Variants in RAB21 observed in about 807,000 individuals in gnomAD.
The protein encoded by RAB21 is RAB21, member RAS oncogene family.
In RAB21, 13 loss-of-function variants were observed where a neutral mutation model predicts 33.1. The observed-to-expected ratio is 0.39, with a 90% CI of 0.26 to 0.62. The LOEUF is 0.62. RAB21 is among the 20% of genes least tolerant of loss of function. The pLI is 0.48. For missense variants in RAB21, 234 were observed against 279.1 expected, an observed-to-expected ratio of 0.84 and a Z score of 1.15; for synonymous variants, 91 against 103.7, an observed-to-expected ratio of 0.88 and a Z score of 0.74.
intron 1 of RAB21, among the ~76,000 whole-genome samples, chr12:71,764,748 G>A (rs900344002): frequency 6.6e-6 from 1 of 152,018 alleles, no homozygotes; most frequent in Admixed American, 6.6e-5. Context: ...TAGAATAATG[G>A]CCTCCAGCTC....
chr12:71,783,848 ACCTCCCTC>A (rs948068635), intron 6 of RAB21, among the ~76,000 whole-genome samples: 2 of 151,100 alleles, frequency 1.3e-5, no homozygotes, highest in African/African-American at 2.4e-5. Context: ...CTCCTTCCTT[ACCTCCCTC>A]CCTCCCTCCC....
intron 4 of RAB21, among the ~76,000 whole-genome samples, chr12:71,779,154 AT>A (rs1432276116): frequency 6.6e-6 from 1 of 152,166 alleles, no homozygotes; most frequent in African/African-American, 2.4e-5. Context: ...AGGTTAACTA[AT>A]TTGTCCAAAA....
chr12:71,761,669 C>T (rs188406351), intron 1 of RAB21, among the ~76,000 whole-genome samples: 12 of 152,174 alleles, frequency 7.9e-5, no homozygotes, highest in African/African-American at 2.4e-4. Context: ...CAGAGCAAGA[C>T]TCCATCTCAA....
At chr12:71,777,703 A>G (rs1883141833) in intron 4 of RAB21, among the ~76,000 whole-genome samples, 2 of 152,160 alleles carry the variant, frequency 1.3e-5, no homozygotes, top group African/African-American at 4.8e-5. Flanking sequence ...TTAAGTCTTA[A>G]ATTCTCTAGA....
At chr12:71,785,456 T>C (rs1565895897) in intron 6 of RAB21, 75 bp from the exon 7 acceptor site, 16 of 1,514,374 alleles carry the variant, frequency 1.1e-5, no homozygotes, top group East Asian at 2.4e-5. Flanking sequence ...GCTATCATAG[T>C]GTTATACTGA....
intron 4 of RAB21, among the ~76,000 whole-genome samples, chr12:71,776,485 T>C (rs1048167796): frequency 6.6e-6 from 1 of 152,172 alleles, no homozygotes; most frequent in Non-Finnish European, 1.5e-5. Context: ...GTTCATATTA[T>C]AAGACGTTTT....
intron 2 of RAB21, among the ~76,000 whole-genome samples, chr12:71,770,118 T>A (rs1883020154): frequency 1.3e-5 from 2 of 152,192 alleles, no homozygotes; most frequent in Non-Finnish European, 2.9e-5. Flanking sequence ...TGGCCTTTTT[T>A]TCCCCACCCT....
chr12:71,774,133 T>G (rs919723877), intron 4 of RAB21, 111 bp downstream of exon 4: 1 of 631,580 alleles, frequency 1.6e-6, no homozygotes, highest in Non-Finnish European at 2.5e-6. Context: ...AATGGCATAT[T>G]AATATAAATA....
At chr12:71,769,106 A>G (rs1165772431) in intron 1 of RAB21, among the ~76,000 whole-genome samples, 2 of 152,174 alleles carry the variant, frequency 1.3e-5, no homozygotes, top group African/African-American at 4.8e-5. Context: ...CTCATCTATC[A>G]GGAACAGTCC....
At chr12:71,766,027 T>A (rs756541809) in intron 1 of RAB21, among the ~76,000 whole-genome samples, 6 of 152,102 alleles carry the variant, frequency 3.9e-5, no homozygotes, top group South Asian at 2.1e-4. Flanking sequence ...AGTTTTTCAT[T>A]ATGAAGGAAA....
At position 71,799,340 on chromosome 12, in the gene RAB21, A is replaced by C. The variant is rs1883507375; in HGVS notation, c.*13667A>C. On this transcript the variant is annotated 3_prime_UTR_variant, in exon 7 of 7. Transcript: ENST00000261263. ...CTTCCAGTAACTTTATAAGCACCAA[A>C]TTCCATTTAAAAAGTGCCTTCCTGT... 6.6e-6 allele frequency: 1 copy of C among 152,206 alleles called. No individual in the cohort carries two copies. The highest frequency in any genetic ancestry group is 2.1e-4 in the South Asian group (1 of 4,828). The allele number at this position is 152,206 out of a possible 1,614,324, so 9.4% of individuals were successfully genotyped here.
At chr12:71,760,023 T>G (rs749491699) in intron 1 of RAB21, among the ~76,000 whole-genome samples, 1 of 152,234 alleles carries the variant, frequency 6.6e-6, no homozygotes, top group Non-Finnish European at 1.5e-5. Flanking sequence ...AAATGTTTGC[T>G]GTTTGATGTT....
chr12:71,775,258 G>T (rs901041679), intron 4 of RAB21, among the ~76,000 whole-genome samples: 10 of 152,198 alleles, frequency 6.6e-5, no homozygotes, highest in Admixed American at 3.3e-4. Flanking sequence ...TCCTATGAGG[G>T]TTTTATAGAG....
chr12:71,763,182 G>T (rs1882905220), intron 1 of RAB21, among the ~76,000 whole-genome samples: 1 of 149,582 alleles, frequency 6.7e-6, no homozygotes, highest in Admixed American at 6.7e-5. Context: ...AATTAATGAA[G>T]TCTGTTGAAT....
intron 1 of RAB21, among the ~76,000 whole-genome samples, chr12:71,758,564 C>T (rs1432489696): frequency 1.3e-5 from 2 of 151,716 alleles, no homozygotes; most frequent in African/African-American, 4.8e-5. Context: ...TGCCTGCAGC[C>T]TCCAACTCCT....
At chr12:71,771,717 T>G (rs1883044554) in intron 3 of RAB21, among the ~76,000 whole-genome samples, 1 of 152,222 alleles carries the variant, frequency 6.6e-6, no homozygotes, top group African/African-American at 2.4e-5. Context: ...CTCACGCCTG[T>G]AATCCCAGCA....
Position 71,786,480 on chromosome 12 carries a change from C to G in RAB21, c.*807C>G, listed in dbSNP as rs918413824. 6.6e-6 allele frequency: 1 copy of G among 152,490 alleles called. No individual in the cohort carries two copies. Among genetic ancestry groups the G allele is most frequent in the Non-Finnish European group, 1.5e-5 (1 of 68,010 alleles). 9.4% of individuals were successfully genotyped at this position (152,490 alleles called of 1,614,324 possible). On this transcript the variant is annotated 3_prime_UTR_variant, in exon 7 of 7. Transcript: ENST00000261263. ...TATTTTTGCAGGGTTTGCACAGGCC[C>G]GTAACTGTCTACTACTTTGATATAA...
rs1473455682 is a variant in RAB21, at chr12:71,798,054, G to T, written c.*12381G>T. The T allele has an allele frequency of 6.6e-6, 1 of 152,116 alleles. No homozygotes were observed. Among genetic ancestry groups the T allele is most frequent in the Non-Finnish European group, 1.5e-5 (1 of 68,024 alleles). 9.4% of individuals were successfully genotyped at this position (152,116 alleles called of 1,614,324 possible). On this transcript the variant is annotated 3_prime_UTR_variant, in exon 7 of 7. Coordinates refer to ENST00000261263, the MANE Select transcript of RAB21 (RefSeq NM_014999.4). ...TGGAATAGAATTTACAATAAGAAAT[G>T]ATAATGTTTTCACTATAAATTTGTA...
At chr12:71,770,070 C>T (rs533769188) in intron 2 of RAB21, among the ~76,000 whole-genome samples, 9 of 152,110 alleles carry the variant, frequency 5.9e-5, no homozygotes, top group African/African-American at 2.2e-4. Context: ...AGAGGGGTTC[C>T]ACTTCAGAGA....
Sources: allele counts gnomAD v4.1 joint callset (sites outside exome capture counted in the v4.1 genomes callset), GRCh38; gene constraint gnomAD v4.1.1; transcripts MANE v1.5; gene names NCBI Gene and HGNC (gene_info 2026-07-23, HGNC 2026-07-21).